Variants in WDR62 observed in about 807,000 individuals in gnomAD.
WDR62 encodes WD repeat-containing protein 62.
A neutral mutation model predicts 160.6 loss-of-function variants in WDR62; 112 were observed. That is an observed-to-expected ratio of 0.70 (90% confidence interval 0.60 to 0.82). WDR62 has a LOEUF of 0.82. Ranked by LOEUF, WDR62 falls within the 40% of genes least tolerant of loss-of-function variation. The pLI, the probability that WDR62 is intolerant of heterozygous loss-of-function variation, is 0.00. For synonymous variants in WDR62, 792 were observed against 815.1 expected (o/e 0.97, Z 0.48); for missense variants, 1,819 against 1,983.8 (o/e 0.92, Z 1.58).
chr19:36,058,744 G>A (rs764510682), intron 1 of WDR62, 36 bp from the exon 2 acceptor site: 5 of 1,578,410 alleles, frequency 3.2e-6, no homozygotes, highest in Non-Finnish European at 3.5e-6. Context: ...GTGCTGGCTA[G>A]GGTGGGTGCC....
intron 15 of WDR62, 145 bp downstream of exon 15, chr19:36,089,451 T>C: frequency 7.0e-7 from 1 of 1,418,626 alleles, no homozygotes; most frequent in Non-Finnish European, 9.7e-7. Flanking sequence ...TTTTTTTGTT[T>C]TTGTTTTTGA....
chr19:36,067,391 T>C lies in WDR62; in HGVS notation c.647T>C (p.Val216Ala). Residue 216 changes from valine (V) to alanine (A), a missense_variant, in exon 6 of 32, where the codon GTT (valine) becomes GCT (alanine). Transcript: ENST00000401500. Reference protein sequence around the residue: ...FSEDSSYFVTVGNRHVRFWFL... With the variant: ...FSEDSSYFVTAGNRHVRFWFL... Reference sequence around the variant, plus strand: ...GAGGACAGCAGCTATTTTGTCACTGTTGGGAACCGCCATGTGAGGTTCTGG... The same window carrying C: ...GAGGACAGCAGCTATTTTGTCACTGCTGGGAACCGCCATGTGAGGTTCTGG... 6.2e-7 allele frequency: 1 copy of C among 1,614,232 alleles called. No individual in the cohort carries two copies. Among genetic ancestry groups the C allele is most frequent in the South Asian group, 1.1e-5 (1 of 91,084 alleles).
intron 15 of WDR62, among the ~76,000 whole-genome samples, chr19:36,090,034 G>A (rs1456450115): frequency 6.6e-6 from 1 of 152,194 alleles, no homozygotes; most frequent in African/African-American, 2.4e-5. Context: ...CAGAGATGGG[G>A]GAGCCCAGGG....
rs1480891049 is a variant in WDR62, at chr19:36,104,558, T to G, written c.4194T>G (p.Ser1398Arg). Reference protein sequence around the residue: ...GLLQGSPARWSEPWVPVEALP... With the variant: ...GLLQGSPARWREPWVPVEALP... The stretch of plus-strand genomic sequence containing the variant: ...TACAGGGCAGCCCTGCCCGCTGGAG[T>G]GAGCCCTGGGTGCCGGTTGAAGCCC... The change falls in exon 31 of 32, where the codon AGT becomes AGG. Residue 1398 changes from serine to arginine, a missense_variant. Physicochemically the swap from Ser to Arg is moderately radical, Grantham distance 110. Coordinates refer to ENST00000401500, the MANE Select transcript of WDR62 (RefSeq NM_001083961.2). The G allele has an allele frequency of 6.2e-7, 1 of 1,613,436 alleles. No homozygotes were observed. Among genetic ancestry groups the G allele is most frequent in the Admixed American group, 1.7e-5 (1 of 59,990 alleles).
chr19:36,080,146 C>T (rs1003079605), intron 9 of WDR62, among the ~76,000 whole-genome samples: 4 of 151,826 alleles, frequency 2.6e-5, no homozygotes, highest in Non-Finnish European at 5.9e-5. Flanking sequence ...CTCCCTCTGC[C>T]GCCCAGGCTG....
intron 9 of WDR62, chr19:36,074,951 A>G (rs184027006): frequency 4.6e-5 from 7 of 152,156 alleles, no homozygotes; most frequent in Admixed American, 3.3e-4. Flanking sequence ...GTTTATGTAT[A>G]TAGCTGTTCA....
chr19:36,085,369 G>T (rs1312887093), intron 12 of WDR62, among the ~76,000 whole-genome samples: 1 of 147,786 alleles, frequency 6.8e-6, no homozygotes, highest in Non-Finnish European at 1.5e-5. Flanking sequence ...GCCCGCCTTG[G>T]CCTCCCAAAG....
the WDR62 span, among the ~76,000 whole-genome samples, chr19:36,110,950 G>T: frequency 6.6e-6 from 1 of 152,048 alleles, no homozygotes; most frequent in African/African-American, 2.4e-5. Flanking sequence ...GCTCTGCTTG[G>T]TGGTCCTAGT....
At chr19:36,080,366 GGCCTCCCGAAGT>G (rs1204505598) in intron 9 of WDR62, among the ~76,000 whole-genome samples, 4 of 151,398 alleles carry the variant, frequency 2.6e-5, no homozygotes, top group Admixed American at 2.0e-4. Context: ...CTCCCGCCTC[GGCCTCCCGAAGT>G]GCTGGGATTA....
In WDR62 at chr19:36,086,830, C is replaced by A; in HGVS notation, c.1768+18C>A. ...GTTCGCTGGTGAGCCCCTTTCTTCC[C>A]GCTCCCTGCGCCTTGCTAGCTACCC... On this transcript the variant is annotated intron_variant, in intron 13 of 31. Coordinates refer to ENST00000401500, the MANE Select transcript of WDR62 (RefSeq NM_001083961.2). The A allele has an allele frequency of 6.2e-7, 1 of 1,606,534 alleles. No homozygotes were observed. Among genetic ancestry groups the A allele is most frequent in the East Asian group, 2.2e-5 (1 of 44,610 alleles).
chr19:36,101,650 A>C lies in WDR62; in HGVS notation c.2972-14A>C. 6.5e-7 allele frequency: 1 copy of C among 1,546,690 alleles called. No individual in the cohort carries two copies. The highest frequency in any genetic ancestry group is 1.2e-5 in the South Asian group (1 of 83,962). On this transcript the variant is annotated splice_polypyrimidine_tract_variant and intron_variant, in intron 24 of 31. Transcript: ENST00000401500. ...GTCAGGCTGTGGGCTCCTGACCCCG[A>C]CTCTGTCCTTCAGACTCGGGGGAGT...
chr19:36,090,732 G>T (rs1972545336), intron 16 of WDR62, among the ~76,000 whole-genome samples: 1 of 152,170 alleles, frequency 6.6e-6, no homozygotes, highest in Non-Finnish European at 1.5e-5. Flanking sequence ...CCCAAGTGGG[G>T]CGTCTAAGTG....
chr19:36,089,348 T>C, intron 15 of WDR62, 42 bp downstream of exon 15: 1 of 1,614,084 alleles, frequency 6.2e-7, no homozygotes, highest in Non-Finnish European at 8.5e-7. Context: ...TGGTCTGCCT[T>C]GTCCTAGGCT....
downstream of WDR62, among the ~76,000 whole-genome samples, chr19:36,106,725 G>GCCT (rs1212294008): frequency 1.3e-5 from 2 of 152,258 alleles, no homozygotes; most frequent in African/African-American, 2.4e-5. Flanking sequence ...GAGGGCAGGA[G>GCCT]CTGAGGTGCA....
chr19:36,097,137 C>G, intron 21 of WDR62, 58 bp downstream of exon 21: 1 of 1,554,718 alleles, frequency 6.4e-7, no homozygotes, highest in Non-Finnish European at 8.9e-7. Flanking sequence ...CTCCCCAGCT[C>G]TGCCTTCTGG....
At chr19:36,068,128 G>A (rs999251207) in intron 7 of WDR62, 118 bp downstream of exon 7, 62 of 1,250,156 alleles carry the variant, frequency 5.0e-5, no homozygotes, top group Non-Finnish European at 6.5e-5. Context: ...GGTGAATGAC[G>A]CCCACTCTCT....
At chr19:36,080,900 G>A (rs12462674) in intron 9 of WDR62, among the ~76,000 whole-genome samples, 43,268 of 152,064 alleles carry the variant, frequency 0.28, 6,419 homozygotes, top group Non-Finnish European at 0.33. Context: ...ATTGAATGTA[G>A]TTATTTTATA....
At chr19:36,093,144 G>A (rs1465602076) in intron 19 of WDR62, among the ~76,000 whole-genome samples, 1 of 152,144 alleles carries the variant, frequency 6.6e-6, no homozygotes, top group Non-Finnish European at 1.5e-5. Flanking sequence ...GCTATGAGAA[G>A]GGTATTAAAG....
intron 5 of WDR62, 38 bp from the exon 6 acceptor site, chr19:36,067,268 G>C (rs766798956): frequency 6.2e-7 from 1 of 1,613,780 alleles, no homozygotes; most frequent in South Asian, 1.1e-5. Flanking sequence ...CCAGTGGAAT[G>C]AGTGCTGGCA....
Sources: gnomAD v4.1 joint callset for allele counts (sites outside exome capture counted in the v4.1 genomes callset) on GRCh38, gnomAD v4.1.1 for gene constraint, MANE v1.5 for transcripts, NCBI Gene and HGNC (gene_info 2026-07-23, HGNC 2026-07-21) for gene names.